Variants in FRAS1 observed in about 807,000 individuals in gnomAD.
FRAS1 encodes Fraser extracellular matrix complex subunit 1.
In FRAS1, 290 loss-of-function variants were observed where a neutral mutation model predicts 435.2. The observed-to-expected ratio is 0.67, with a 90% confidence interval of 0.61 to 0.73. The LOEUF is 0.73. Ranked by LOEUF, FRAS1 falls within the 30% of genes least tolerant of loss-of-function variation. The probability of loss-of-function intolerance (pLI) is 0.00; values close to 1 mark genes in which losing one functional copy is unlikely to be tolerated. For missense variants in FRAS1, 4,860 were observed against 5,001.5 expected, an observed-to-expected ratio of 0.97 and a Z score of 0.85; for synonymous variants, 1,800 against 1,851.0, an observed-to-expected ratio of 0.97 and a Z score of 0.71.
At chr4:78,446,410 C>T in intron 42 of FRAS1, 3 of 1,099,262 alleles carry the variant, frequency 2.7e-6, no homozygotes, top group Non-Finnish European at 3.3e-6. Flanking sequence ...CTTTTATCTT[C>T]AAAGTATGTT....
At chr4:78,345,775 G>T (rs1409566711) in intron 20 of FRAS1, among the ~76,000 whole-genome samples, 1 of 150,958 alleles carries the variant, frequency 6.6e-6, no homozygotes, top group African/African-American at 2.4e-5. Context: ...AGGGGTGATT[G>T]AATATTTCAA....
In FRAS1 at chr4:78,521,631, G is replaced by A. The variant is rs1371454688; in HGVS notation, c.10648+1G>A. 1 of 1,580,770 alleles carries A rather than the reference G, an allele frequency of 6.3e-7. No homozygotes were observed. Among genetic ancestry groups the A allele is most frequent in the Non-Finnish European group, 8.6e-7 (1 of 1,162,718 alleles). Reference sequence around the variant, plus strand: ...TTCAAGACCCATGCCAAATTCAGAGGTAATATCAATGCCGTTTTTTTTTTC... The same window carrying A: ...TTCAAGACCCATGCCAAATTCAGAGATAATATCAATGCCGTTTTTTTTTTC... On this transcript the variant is annotated splice_donor_variant, in intron 68 of 73. Transcript: ENST00000512123. LOFTEE classifies it high-confidence loss of function.
chr4:78,147,168 T>C (rs1471064480), intron 2 of FRAS1, among the ~76,000 whole-genome samples: 1 of 152,128 alleles, frequency 6.6e-6, no homozygotes, highest in African/African-American at 2.4e-5. Flanking sequence ...GTTTTCATCT[T>C]TTTTTGTTTA....
chr4:78,457,666 C>T (rs570963151), intron 47 of FRAS1, among the ~76,000 whole-genome samples: 4 of 152,206 alleles, frequency 2.6e-5, no homozygotes, highest in African/African-American at 9.7e-5. Flanking sequence ...CCCTCAAGGA[C>T]GAGTCTAGAC....
At chr4:78,502,502 A>C (rs1720715912) in intron 61 of FRAS1, among the ~76,000 whole-genome samples, 1 of 152,152 alleles carries the variant, frequency 6.6e-6, no homozygotes. Flanking sequence ...GAGTTCACTC[A>C]TGATTTGGTT....
chr4:78,252,654 C>T (rs2110133815), intron 5 of FRAS1, 103 bp downstream of exon 5: 2 of 1,147,194 alleles, frequency 1.7e-6, no homozygotes, highest in South Asian at 1.5e-5. Flanking sequence ...TTTCTATTTT[C>T]CCTAAATGTT....
intron 20 of FRAS1, among the ~76,000 whole-genome samples, chr4:78,360,426 G>A (rs958448287): frequency 2.0e-5 from 3 of 152,182 alleles, no homozygotes; most frequent in African/African-American, 7.2e-5. Flanking sequence ...TTTTAGGACA[G>A]TAGGCAATGG....
At chr4:78,532,487 T>A (rs1015351814) in intron 70 of FRAS1, among the ~76,000 whole-genome samples, 3 of 152,182 alleles carry the variant, frequency 2.0e-5, no homozygotes. Flanking sequence ...ACCCATCTCC[T>A]CACTTAGTTA....
At chr4:78,212,161 A>G (rs1289023463) in intron 2 of FRAS1, among the ~76,000 whole-genome samples, 1 of 152,208 alleles carries the variant, frequency 6.6e-6, no homozygotes, top group Non-Finnish European at 1.5e-5. Flanking sequence ...TGCAGTGAAT[A>G]CTGGCTAAGT....
At chr4:78,271,658 G>A (rs1726698166) in intron 9 of FRAS1, among the ~76,000 whole-genome samples, 1 of 152,066 alleles carries the variant, frequency 6.6e-6, no homozygotes. Flanking sequence ...CATTTTTTAT[G>A]GCTGCATAGT....
At chr4:78,281,346 A>G in intron 10 of FRAS1, 52 bp from the exon 11 acceptor site, 1 of 1,224,390 alleles carries the variant, frequency 8.2e-7, no homozygotes, top group Non-Finnish European at 1.1e-6. Context: ...TAAAATAATC[A>G]GCCTAATGGT....
intron 18 of FRAS1, among the ~76,000 whole-genome samples, chr4:78,324,452 T>C (rs1452520261): frequency 6.6e-6 from 1 of 151,600 alleles, no homozygotes; most frequent in African/African-American, 2.4e-5. Flanking sequence ...GACAGTTGTT[T>C]ATATAACACA....
At chr4:78,140,575 G>C (rs745392316) in intron 2 of FRAS1, among the ~76,000 whole-genome samples, 3 of 151,950 alleles carry the variant, frequency 2.0e-5, no homozygotes, top group Non-Finnish European at 4.4e-5. Flanking sequence ...ACCAACCCAA[G>C]TGCCCATCAA....
chr4:78,185,495 G>C (rs574800586), intron 2 of FRAS1, among the ~76,000 whole-genome samples: 61 of 152,270 alleles, frequency 4.0e-4, no homozygotes, highest in African/African-American at 1.5e-3. Context: ...GAGGCTGTTT[G>C]TAAGCTTAGG....
intron 20 of FRAS1, among the ~76,000 whole-genome samples, chr4:78,344,096 TG>T (rs1730507280): frequency 3.0e-5 from 4 of 134,510 alleles, no homozygotes; most frequent in African/African-American, 9.5e-5. Context: ...CCTCAATGCC[TG>T]GTTCAGATTC....
chr4:78,452,410 G>T, intron 47 of FRAS1, 56 bp downstream of exon 47: 3 of 1,348,442 alleles, frequency 2.2e-6, no homozygotes, highest in Non-Finnish European at 3.1e-6. Context: ...AGTAAGTATT[G>T]AGGGCAGCCA....
At chr4:78,362,242 A>G (rs979339803) in intron 20 of FRAS1, among the ~76,000 whole-genome samples, 2 of 152,332 alleles carry the variant, frequency 1.3e-5, no homozygotes, top group Non-Finnish European at 1.5e-5. Flanking sequence ...CCAATTATTT[A>G]CTAACCTCAG....
chr4:78,518,926 G>C (rs918489944), intron 66 of FRAS1, among the ~76,000 whole-genome samples: 7 of 152,136 alleles, frequency 4.6e-5, no homozygotes, highest in Non-Finnish European at 8.8e-5. Flanking sequence ...TCTCCCACAG[G>C]TCACTGGCAA....
At chr4:78,108,597 G>A (rs1198229578) in intron 2 of FRAS1, among the ~76,000 whole-genome samples, 1 of 93,668 alleles carries the variant, frequency 1.1e-5, no homozygotes, top group Non-Finnish European at 2.1e-5. Flanking sequence ...CACATTCAAA[G>A]CAGTGTGTAG....
Sources: gnomAD v4.1 joint callset for allele counts (sites outside exome capture counted in the v4.1 genomes callset) on GRCh38, gnomAD v4.1.1 for gene constraint, MANE v1.5 for transcripts, NCBI Gene and HGNC (gene_info 2026-07-23, HGNC 2026-07-21) for gene names.